KCNIP4: variants seen among roughly 807,000 people sequenced by gnomAD.
KCNIP4 encodes potassium voltage-gated channel interacting protein 4, also known as Kv channel-interacting protein 4.
In KCNIP4, 12 loss-of-function variants were observed where a neutral mutation model predicts 34.0. The observed-to-expected ratio is 0.35, with a 90% CI of 0.23 to 0.57. The LOEUF is 0.57. Among genes scored for constraint, KCNIP4 ranks in the 20% least tolerant of loss-of-function variants. KCNIP4 has a pLI of 0.83. For missense variants in KCNIP4, 238 were observed against 311.7 expected (o/e 0.76, Z 1.78); for synonymous variants, 124 against 102.2 (o/e 1.21, Z -1.29).
chr4:21,451,429 C>A (rs1265224198), intron 1 of KCNIP4, among the ~76,000 whole-genome samples: 1 of 152,014 alleles, frequency 6.6e-6, no homozygotes, highest in Admixed American at 6.6e-5. Flanking sequence ...AGATTAAAGT[C>A]AAAAAATAGT....
intron 1 of KCNIP4, among the ~76,000 whole-genome samples, chr4:21,255,984 G>A (rs184370850): frequency 2.0e-5 from 3 of 152,162 alleles, no homozygotes; most frequent in Admixed American, 2.0e-4. Flanking sequence ...CCCTTGTGTA[G>A]CTTACATTTT....
chr4:21,140,826 T>G (rs6847960), intron 1 of KCNIP4, among the ~76,000 whole-genome samples: 3 of 151,900 alleles, frequency 2.0e-5, no homozygotes, highest in African/African-American at 7.3e-5. Flanking sequence ...CCTGTCCATC[T>G]GCTATTGATC....
chr4:21,646,656 G>A (rs998669221), intron 1 of KCNIP4, among the ~76,000 whole-genome samples: 3 of 152,106 alleles, frequency 2.0e-5, no homozygotes, highest in Admixed American at 6.6e-5. Flanking sequence ...CAAGCGCATG[G>A]GACATGGCAA....
intron 1 of KCNIP4, among the ~76,000 whole-genome samples, chr4:21,315,840 G>C (rs913294579): frequency 1.3e-5 from 2 of 152,074 alleles, no homozygotes; most frequent in East Asian, 1.9e-4. Flanking sequence ...CCCCAGCTTC[G>C]ATTTTCAGTG....
intron 1 of KCNIP4, among the ~76,000 whole-genome samples, chr4:21,246,675 C>T (rs530247632): frequency 6.6e-6 from 1 of 152,184 alleles, no homozygotes; most frequent in African/African-American, 2.4e-5. Flanking sequence ...TAGTGCAATG[C>T]TTCCATTGTC....
intron 1 of KCNIP4, among the ~76,000 whole-genome samples, chr4:21,043,574 A>T (rs868444010): frequency 7.2e-5 from 11 of 151,840 alleles, no homozygotes; most frequent in African/African-American, 2.2e-4. Context: ...CCTGACCTCA[A>T]GTGATCCACC....
At chr4:21,700,921 TA>T (rs751013379) in intron 1 of KCNIP4, among the ~76,000 whole-genome samples, 1 of 152,134 alleles carries the variant, frequency 6.6e-6, no homozygotes, top group Non-Finnish European at 1.5e-5. Context: ...TATAAAAAAT[TA>T]AATTAGTATG....
intron 3 of KCNIP4, among the ~76,000 whole-genome samples, chr4:20,829,496 C>T (rs893915536): frequency 5.9e-5 from 9 of 152,102 alleles, no homozygotes; most frequent in Non-Finnish European, 1.2e-4. Flanking sequence ...CGTGAGCCAC[C>T]GCGCCTGGCC....
At chr4:21,305,433 A>C (rs1712350345) in intron 1 of KCNIP4, among the ~76,000 whole-genome samples, 1 of 152,200 alleles carries the variant, frequency 6.6e-6, no homozygotes, top group African/African-American at 2.4e-5. Flanking sequence ...ACACTTTTAG[A>C]AAAGAGTGAG....
At chr4:21,292,628 C>A (rs1763598775) in intron 1 of KCNIP4, among the ~76,000 whole-genome samples, 1 of 152,176 alleles carries the variant, frequency 6.6e-6, no homozygotes, top group African/African-American at 2.4e-5. Context: ...TCTGATAAGA[C>A]TATATGGTAT....
chr4:21,518,926 A>G (rs2109942614), intron 1 of KCNIP4, among the ~76,000 whole-genome samples: 1 of 152,236 alleles, frequency 6.6e-6, no homozygotes, highest in East Asian at 1.9e-4. Flanking sequence ...CTTATGGACC[A>G]TGCACTGTTT....
At chr4:20,778,933 G>T (rs1244746382) in intron 3 of KCNIP4, among the ~76,000 whole-genome samples, 1 of 152,066 alleles carries the variant, frequency 6.6e-6, no homozygotes, top group Non-Finnish European at 1.5e-5. Flanking sequence ...TTTTTTAAGG[G>T]TGAATGAGAC....
chr4:21,323,707 T>C (rs1714737257), intron 1 of KCNIP4, among the ~76,000 whole-genome samples: 1 of 152,088 alleles, frequency 6.6e-6, no homozygotes, highest in Non-Finnish European at 1.5e-5. Flanking sequence ...ATATTGTGAA[T>C]AGTGCTGCGA....
intron 1 of KCNIP4, among the ~76,000 whole-genome samples, chr4:20,997,122 G>T (rs1737622466): frequency 6.6e-6 from 1 of 152,180 alleles, no homozygotes; most frequent in South Asian, 2.1e-4. Context: ...GAATGAGGAA[G>T]ATTTAATGAT....
At chr4:20,997,659 G>T (rs1737683563) in intron 1 of KCNIP4, among the ~76,000 whole-genome samples, 1 of 152,146 alleles carries the variant, frequency 6.6e-6, no homozygotes, top group African/African-American at 2.4e-5. Flanking sequence ...GCTTCTCTCT[G>T]GGTGTTCTTG....
intron 1 of KCNIP4, among the ~76,000 whole-genome samples, chr4:21,605,359 T>G (rs927621814): frequency 3.3e-5 from 5 of 152,218 alleles, no homozygotes; most frequent in Non-Finnish European, 7.3e-5. Context: ...GGCAAGTACA[T>G]TTTTAAAGTG....
rs187002676 is a variant in KCNIP4 at position 21,564,232 on chromosome 4, G to T, written c.61+384339C>A. On this transcript the variant is annotated intron_variant, in intron 1 of 8. Coordinates refer to ENST00000382152, the MANE Select transcript of KCNIP4 (RefSeq NM_025221.6). The stretch of plus-strand genomic sequence containing the variant: ...ATTGATGTCATTCTTTCAACTACAC[G>T]TTGAGTGCAAAGATGAGGTGCTTGC... Among the ~76,000 whole-genome samples, 71 of 152,124 alleles carry T rather than the reference G, an allele frequency of 4.7e-4. No homozygotes were observed. The East Asian group carries it at 8.1e-3, about 17-fold the overall frequency.
At chr4:21,933,630 C>A (rs1232347667) in intron 1 of KCNIP4, among the ~76,000 whole-genome samples, 1 of 151,954 alleles carries the variant, frequency 6.6e-6, no homozygotes, top group East Asian at 1.9e-4. Context: ...GTATCTGTAA[C>A]CCCAAAGCAC....
At chr4:20,833,987 G>A (rs1274825482) in intron 3 of KCNIP4, among the ~76,000 whole-genome samples, 1 of 152,124 alleles carries the variant, frequency 6.6e-6, no homozygotes, top group East Asian at 1.9e-4. Context: ...GTGGGGAAGA[G>A]CCCAGCCCAG....
Sources: allele counts gnomAD v4.1 joint callset (sites outside exome capture counted in the v4.1 genomes callset), GRCh38; gene constraint gnomAD v4.1.1; transcripts MANE v1.5; gene names NCBI Gene and HGNC (gene_info 2026-07-23, HGNC 2026-07-21).